MLEC: variants seen among roughly 807,000 people sequenced by gnomAD.
MLEC encodes the protein oligosaccharyltransferase complex subunit (non-catalytic).
MLEC carries 7 observed loss-of-function variants against 28.7 expected under a neutral mutation model. That is an observed-to-expected ratio of 0.24 (90% CI 0.14 to 0.46). The LOEUF is 0.46. MLEC is among the 20% of genes least tolerant of loss of function. The pLI is 0.99. For missense variants in MLEC, 237 were observed against 391.1 expected (o/e 0.61, Z 3.32); for synonymous variants, 142 against 164.4 (o/e 0.86, Z 1.04).
Position 120,687,470 on chromosome 12 carries a change from G to T in MLEC, c.174G>T (p.Ala58=), listed in dbSNP as rs745594964. The T allele has an allele frequency of 7.0e-7, 1 of 1,424,898 alleles. No homozygotes were observed. Among genetic ancestry groups the T allele is most frequent in the Non-Finnish European group, 9.2e-7 (1 of 1,087,394 alleles). The allele number at this position is 1,424,898 out of a possible 1,614,324, so 88.3% of individuals were successfully genotyped here. Residue 58 remains alanine (A), a synonymous_variant, in exon 1 of 5, where the codon GCG becomes GCT. Transcript: ENST00000228506. This position sits in a 1 kb window ranked among gnomAD's most constrained non-coding sequence, Gnocchi z 8.1. The part of the protein sequence containing the change: ...VIWAVNAGGE[A]HVDVHGIHFR... ...GGGCGGTCAACGCGGGTGGAGAGGC[G>T]CATGTGGACGTGCACGGGATCCACT...
At position 120,694,919 on chromosome 12, in the gene MLEC, T is replaced by C. The variant is rs2137419397; in HGVS notation, c.510T>C (p.Pro170=). Residue 170 remains proline (P), a synonymous_variant, in exon 3 of 5, where the codon CCT becomes CCC. Transcript: ENST00000228506. This position sits in a 1 kb window ranked among gnomAD's most constrained non-coding sequence, Gnocchi z 4.5. ...GCACAGCTCACGATGAAATTATACC[T>C]ATGAGCATCAGAAAGGGGAAGCTGA... ...GHSTAHDEII[P]MSIRKGKLSV... is the part of the protein sequence containing the mutation. 1 of 1,614,216 alleles carries C rather than the reference T, an allele frequency of 6.2e-7. No homozygotes were observed. Among genetic ancestry groups the C allele is most frequent in the Non-Finnish European group, 8.5e-7 (1 of 1,180,020 alleles).
At chr12:120,693,863 G>A (rs1882125203) in intron 1 of MLEC, 1 of 419,364 alleles carries the variant, frequency 2.4e-6, no homozygotes, top group Admixed American at 3.7e-5. Flanking sequence ...TACAGGGGCT[G>A]TTGGCCTGAT....
chr12:120,691,146 G>A (rs1451695457), intron 1 of MLEC, among the ~76,000 whole-genome samples: 1 of 152,232 alleles, frequency 6.6e-6, no homozygotes, highest in Non-Finnish European at 1.5e-5. Context: ...GTGGTTCCCA[G>A]TTGCAGTTTT....
chr12:120,689,695 A>T (rs184707882), intron 1 of MLEC, among the ~76,000 whole-genome samples: 1 of 152,334 alleles, frequency 6.6e-6, no homozygotes, highest in African/African-American at 2.4e-5. Flanking sequence ...GCCTGTTTGG[A>T]TAAGGGTGTG....
intron 4 of MLEC, 147 bp downstream of exon 4, chr12:120,695,299 C>A: frequency 1.1e-6 from 1 of 872,130 alleles, no homozygotes; most frequent in Non-Finnish European, 1.9e-6. Context: ...AAGGATGAAG[C>A]ATAACATGGT....
At chr12:120,695,418 A>T (rs1045715610) in intron 4 of MLEC, among the ~76,000 whole-genome samples, 4 of 152,334 alleles carry the variant, frequency 2.6e-5, no homozygotes, top group Non-Finnish European at 4.4e-5. Flanking sequence ...TGGGATTAAT[A>T]ATGGTACCTA....
Position 120,687,497 on chromosome 12 carries a change from C to T in MLEC, c.201C>T (p.Phe67=). ...EAHVDVHGIH[F]RKDPLEGRVG... is the part of the protein sequence containing the mutation. ...ATGTGGACGTGCACGGGATCCACTT[C>T]CGCAAGGACCCTTTGGAAGGCCGGG... The change falls in exon 1 of 5, where the codon TTC becomes TTT. Residue 67 remains phenylalanine (F), a synonymous_variant. Coordinates refer to ENST00000228506, the MANE Select transcript of MLEC (RefSeq NM_014730.4). The surrounding 1 kb of genome is among the most constrained non-coding windows in gnomAD (Gnocchi z 8.1). 6.8e-7 allele frequency: 1 copy of T among 1,461,740 alleles called. No homozygotes were observed. Among genetic ancestry groups the T allele is most frequent in the Non-Finnish European group, 9.0e-7 (1 of 1,107,534 alleles). The allele number at this position is 1,461,740 out of a possible 1,614,324, so 90.5% of individuals were successfully genotyped here. A position where few individuals can be genotyped will look rare whatever the true frequency, so the allele number is the denominator to read the frequency against.
chr12:120,694,254 A>G lies in MLEC; in HGVS notation c.399A>G (p.Ala133=). ...TGAAATTTGCAGAGGTCTACTTTGCACAGTCCCAGCAAAAGGTGAGGCCTA... is the reference window on the plus strand; with the variant it reads ...TGAAATTTGCAGAGGTCTACTTTGCGCAGTCCCAGCAAAAGGTGAGGCCTA... ...LVLKFAEVYF[A]QSQQKVFDVR... The change falls in exon 2 of 5, where the codon GCA becomes GCG. Residue 133 remains alanine (A), a synonymous_variant. Transcript: ENST00000228506. The surrounding 1 kb of genome is among the most constrained non-coding windows in gnomAD (Gnocchi z 4.5). 9 of 1,614,004 alleles carry G rather than the reference A, an allele frequency of 5.6e-6. No homozygotes were observed. The highest frequency in any genetic ancestry group is 7.6e-6 in the Non-Finnish European group (9 of 1,180,020).
In MLEC at chr12:120,694,141, CA is replaced by C; in HGVS notation, c.287del (p.Gln96ArgfsTer30). The C allele has an allele frequency of 6.2e-7, 1 of 1,614,156 alleles. No individual in the cohort carries two copies. Among genetic ancestry groups the C allele is most frequent in the Non-Finnish European group, 8.5e-7 (1 of 1,180,010 alleles). On this transcript the variant is annotated frameshift_variant, in exon 2 of 5. Coordinates refer to ENST00000228506, the MANE Select transcript of MLEC (RefSeq NM_014730.4). LOFTEE classifies it high-confidence loss of function. The surrounding 1 kb of genome is among the most constrained non-coding windows in gnomAD (Gnocchi z 4.5). ...AATCCTGCGTTCCAACCCTGAGGAC[CA>C]GATCCTGTATCAAACTGAGCGGTAC... ...LPILRSNPEDQILYQTERYNE... is the reference protein window; with the variant it reads ...LPILRSNPEDXILYQTERYNE...
Position 120,700,536 on chromosome 12 carries a change from T to A in MLEC, c.*3991T>A, listed in dbSNP as rs551060495. The A allele has an allele frequency of 6.6e-6, 1 of 151,864 alleles. No homozygotes were observed. The highest frequency in any genetic ancestry group is 1.5e-5 in the Non-Finnish European group (1 of 68,010). The allele number at this position is 151,864 out of a possible 1,614,324, so 9.4% of individuals were successfully genotyped here. A position where few individuals can be genotyped will look rare whatever the true frequency, so the allele number is the denominator to read the frequency against. Reference sequence around the variant, plus strand: ...AAGGAGAGACTGAGGCAAGGCAAAGTGATAGTACACGGAAGCAGAACCGGA... The same window carrying A: ...AAGGAGAGACTGAGGCAAGGCAAAGAGATAGTACACGGAAGCAGAACCGGA... On this transcript the variant is annotated 3_prime_UTR_variant, in exon 5 of 5. Coordinates refer to ENST00000228506, the MANE Select transcript of MLEC (RefSeq NM_014730.4). The surrounding 1 kb of genome is among the most constrained non-coding windows in gnomAD (Gnocchi z 4.0).
chr12:120,692,166 A>G (rs186325965), intron 1 of MLEC, among the ~76,000 whole-genome samples: 4 of 152,076 alleles, frequency 2.6e-5, no homozygotes, highest in Admixed American at 1.3e-4. Context: ...GTCTCCAAAA[A>G]ACAAAAACAA....
At chr12:120,691,895 C>T (rs769538539) in intron 1 of MLEC, among the ~76,000 whole-genome samples, 3 of 152,040 alleles carry the variant, frequency 2.0e-5, no homozygotes, top group African/African-American at 7.3e-5. Context: ...TGTGGTGGCT[C>T]ACGCCTATAA....
In MLEC at chr12:120,687,169, C is replaced by T. The variant is rs1881849193; in HGVS notation, c.-128C>T. The T allele has an allele frequency of 1.8e-6, 2 of 1,086,950 alleles. No individual in the cohort carries two copies. The highest frequency in any genetic ancestry group is 2.4e-6 in the Non-Finnish European group (2 of 847,586). 67.3% of individuals were successfully genotyped at this position (1,086,950 alleles called of 1,614,324 possible). A position where few individuals can be genotyped will look rare whatever the true frequency, so the allele number is the denominator to read the frequency against. ...TACCCGTGGCTGAGAAGAAGGAGGCCTGAGAGCGACATGTCCCCGGCGGCT... is the reference window on the plus strand; with the variant it reads ...TACCCGTGGCTGAGAAGAAGGAGGCTTGAGAGCGACATGTCCCCGGCGGCT... On this transcript the variant is annotated 5_prime_UTR_variant, in exon 1 of 5. Coordinates refer to ENST00000228506, the MANE Select transcript of MLEC (RefSeq NM_014730.4). The surrounding 1 kb of genome is among the most constrained non-coding windows in gnomAD (Gnocchi z 8.1).
In MLEC at chr12:120,698,117, C is replaced by T. The variant is rs1376773366; in HGVS notation, c.*1572C>T. ...TAGAAGGAATTTTGTGGATGGGAGA[C>T]AGCAGGATTAGCTTCAGCTTGGGCT... On this transcript the variant is annotated 3_prime_UTR_variant, in exon 5 of 5. Coordinates refer to ENST00000228506, the MANE Select transcript of MLEC (RefSeq NM_014730.4). The T allele has an allele frequency of 6.6e-6, 1 of 152,206 alleles. No homozygotes were observed. Among genetic ancestry groups the T allele is most frequent in the Non-Finnish European group, 1.5e-5 (1 of 68,032 alleles). The allele number at this position is 152,206 out of a possible 1,614,324, so 9.4% of individuals were successfully genotyped here. A position where few individuals can be genotyped will look rare whatever the true frequency, so the allele number is the denominator to read the frequency against.
rs1451219007 is a variant in MLEC, at chr12:120,698,795, C to T, written c.*2250C>T. 2.0e-5 allele frequency: 3 copies of T among 152,662 alleles called. No individual in the cohort carries two copies. The highest frequency in any genetic ancestry group is 7.2e-5 in the African/African-American group (3 of 41,440). The allele number at this position is 152,662 out of a possible 1,614,324, so 9.5% of individuals were successfully genotyped here. ...GCCATTTCCTAATGGTACTGTAAGC[C>T]AAGCAGCTTTGCTTCTGCCTCTGTT... On this transcript the variant is annotated 3_prime_UTR_variant, in exon 5 of 5. Coordinates refer to ENST00000228506, the MANE Select transcript of MLEC (RefSeq NM_014730.4).
chr12:120,695,249 A>G (rs1882187840), intron 4 of MLEC, 97 bp downstream of exon 4: 1 of 1,297,334 alleles, frequency 7.7e-7, no homozygotes, highest in Non-Finnish European at 1.1e-6. Context: ...TTTTGGAAAC[A>G]CTTAAAGCTA....
In MLEC at chr12:120,697,824, C is replaced by T. The variant is rs1454347704; in HGVS notation, c.*1279C>T. 6.6e-6 allele frequency: 1 copy of T among 152,206 alleles called. No homozygotes were observed. The highest frequency in any genetic ancestry group is 1.5e-5 in the Non-Finnish European group (1 of 68,040). The allele number at this position is 152,206 out of a possible 1,614,324, so 9.4% of individuals were successfully genotyped here. On this transcript the variant is annotated 3_prime_UTR_variant, in exon 5 of 5. Transcript: ENST00000228506. The surrounding 1 kb of genome is among the most constrained non-coding windows in gnomAD (Gnocchi z 4.8). ...TAGCTATATAGGCCCAGCGATGCTTCTTATTGATCTTAATAGTATGCCCCT... is the reference window on the plus strand; with the variant it reads ...TAGCTATATAGGCCCAGCGATGCTTTTTATTGATCTTAATAGTATGCCCCT...
In MLEC at chr12:120,696,227, A is replaced by G. The variant is rs569816907; in HGVS notation, c.650-89A>G. On this transcript the variant is annotated intron_variant, in intron 4 of 4. Transcript: ENST00000228506. The surrounding 1 kb of genome is among the most constrained non-coding windows in gnomAD (Gnocchi z 5.4). The stretch of plus-strand genomic sequence containing the variant: ...TCTGGACCCGGGTTCAATCACAGCA[A>G]TCTCTTTATTGTGGCTTATTTGCTG... The G allele has an allele frequency of 6.6e-6, 10 of 1,522,588 alleles. No individual in the cohort carries two copies. Among genetic ancestry groups the G allele is most frequent in the Middle Eastern group, 1.8e-4 (1 of 5,688 alleles). The allele number at this position is 1,522,588 out of a possible 1,614,324, so 94.3% of individuals were successfully genotyped here.
In MLEC at chr12:120,698,578, C is replaced by T. The variant is rs1037712934; in HGVS notation, c.*2033C>T. 6.6e-6 allele frequency: 1 copy of T among 152,262 alleles called. No homozygotes were observed. Among genetic ancestry groups the T allele is most frequent in the Non-Finnish European group, 1.5e-5 (1 of 68,080 alleles). 9.4% of individuals were successfully genotyped at this position (152,262 alleles called of 1,614,324 possible). ...CTGGCAGTAGCTTTGGTTCCTATCC[C>T]ATCGAAATTCCCCAAAGCCCTGGGC... On this transcript the variant is annotated 3_prime_UTR_variant, in exon 5 of 5. Coordinates refer to ENST00000228506, the MANE Select transcript of MLEC (RefSeq NM_014730.4).
Sources: allele counts gnomAD v4.1 joint callset (sites outside exome capture counted in the v4.1 genomes callset), GRCh38; gene constraint gnomAD v4.1.1; non-coding constraint Gnocchi (gnomAD v3.1); transcripts MANE v1.5; gene names NCBI Gene and HGNC (gene_info 2026-07-23, HGNC 2026-07-21).